FAM185A: variants seen among roughly 807,000 people sequenced by gnomAD.
FAM185A encodes the protein family with sequence similarity 185 member A, also known as protein FAM185A.
Under a neutral mutation model 45.7 loss-of-function variants are expected in FAM185A, and 21 were observed. The observed-to-expected ratio is 0.46, with a 90% CI of 0.33 to 0.66. The LOEUF (loss-of-function observed/expected upper bound fraction) is 0.66, where lower values mean the gene tolerates loss of function less well. FAM185A is among the 30% of genes least tolerant of loss of function. FAM185A has a pLI of 0.03. For synonymous variants in FAM185A, 117 were observed against 194.0 expected, an observed-to-expected ratio of 0.60 and a Z score of 3.30; for missense variants, 305 against 485.4, an observed-to-expected ratio of 0.63 and a Z score of 3.49.
intron 7 of FAM185A, among the ~76,000 whole-genome samples, chr7:102,806,025 T>G (rs950342302): frequency 1.3e-5 from 2 of 152,198 alleles, no homozygotes. Context: ...CTGTTTGGTG[T>G]GGGGGTCCAG....
At chr7:102,812,086 A>C (rs1797465006), downstream of FAM185A, among the ~76,000 whole-genome samples, 1 of 152,226 alleles carries the variant, frequency 6.6e-6, no homozygotes, top group Non-Finnish European at 1.5e-5. Flanking sequence ...TAAGTAATTG[A>C]GGAAATAGAA....
At chr7:102,792,159 G>A (rs1796177054) in intron 7 of FAM185A, among the ~76,000 whole-genome samples, 1 of 149,178 alleles carries the variant, frequency 6.7e-6, no homozygotes, top group African/African-American at 2.5e-5. Flanking sequence ...TTCCCACAGG[G>A]TTTTGATGTG....
the FAM185A span, among the ~76,000 whole-genome samples, chr7:102,826,428 A>G: frequency 6.6e-6 from 1 of 151,972 alleles, no homozygotes; most frequent in Non-Finnish European, 1.5e-5. Flanking sequence ...AGGGCTTTTA[A>G]ATATAATAAA....
At chr7:102,812,474 G>A (rs929938301), downstream of FAM185A, among the ~76,000 whole-genome samples, 1 of 152,164 alleles carries the variant, frequency 6.6e-6, no homozygotes, top group Non-Finnish European at 1.5e-5. Context: ...CCCTGACTAA[G>A]TCAAATGTTG....
chr7:102,771,254 C>T (rs952465191), intron 4 of FAM185A, among the ~76,000 whole-genome samples: 2 of 151,898 alleles, frequency 1.3e-5, no homozygotes, highest in African/African-American at 4.8e-5. Flanking sequence ...CTATTGGGTA[C>T]TATGCCTAGT....
chr7:102,821,463 CTTAA>C, the FAM185A span, among the ~76,000 whole-genome samples: 4 of 152,218 alleles, frequency 2.6e-5, no homozygotes, highest in African/African-American at 9.6e-5. Flanking sequence ...GCCATAACTA[CTTAA>C]TTAAGAAAGT....
chr7:102,845,581 A>C, the FAM185A span, among the ~76,000 whole-genome samples: 1,046 of 152,308 alleles, frequency 6.9e-3, 6 homozygotes, highest in African/African-American at 0.023. Flanking sequence ...CATCGTCTTT[A>C]ACCACATCTT....
chr7:102,768,783 A>G (rs2129435809), intron 4 of FAM185A, among the ~76,000 whole-genome samples: 1 of 152,294 alleles, frequency 6.6e-6, no homozygotes, highest in East Asian at 1.9e-4. Context: ...ATTTGTGGAA[A>G]ACTTATATAA....
the FAM185A span, among the ~76,000 whole-genome samples, chr7:102,849,975 G>A: frequency 0.054 from 8,137 of 151,582 alleles, 288 homozygotes; most frequent in East Asian, 0.12. Flanking sequence ...AAACCTGCAT[G>A]TTCTGCACAT....
intron 7 of FAM185A, among the ~76,000 whole-genome samples, chr7:102,794,155 C>G (rs1362243468): frequency 1.3e-5 from 2 of 151,772 alleles, no homozygotes; most frequent in African/African-American, 4.8e-5. Flanking sequence ...GACTAGAGTT[C>G]AAAGAGCAGG....
At chr7:102,786,587 C>G (rs1795811329) in intron 6 of FAM185A, among the ~76,000 whole-genome samples, 2 of 152,080 alleles carry the variant, frequency 1.3e-5, no homozygotes, top group Admixed American at 1.3e-4. Flanking sequence ...GACAAAAAAC[C>G]AAACACCACA....
chr7:102,799,501 T>A (rs1281916883), intron 7 of FAM185A, among the ~76,000 whole-genome samples: 2 of 152,248 alleles, frequency 1.3e-5, no homozygotes, highest in Admixed American at 6.5e-5. Context: ...CAGCTGAGGA[T>A]ATCATGGTAC....
the FAM185A span, chr7:102,814,337 G>C: frequency 6.6e-6 from 1 of 152,088 alleles, no homozygotes; most frequent in African/African-American, 2.4e-5. Flanking sequence ...ATGTTACCTT[G>C]AGTTATTAAT....
chr7:102,840,678 G>A, the FAM185A span, among the ~76,000 whole-genome samples: 2 of 152,006 alleles, frequency 1.3e-5, no homozygotes, highest in African/African-American at 2.4e-5. Flanking sequence ...TCCCATTTGC[G>A]GACATAATAG....
chr7:102,828,424 C>G, the FAM185A span, among the ~76,000 whole-genome samples: 1 of 152,152 alleles, frequency 6.6e-6, no homozygotes, highest in Admixed American at 6.5e-5. Flanking sequence ...AACCTCTAAG[C>G]TGAAAGAATT....
intron 7 of FAM185A, among the ~76,000 whole-genome samples, chr7:102,789,656 C>G (rs1433851776): frequency 1.3e-5 from 2 of 152,292 alleles, no homozygotes; most frequent in African/African-American, 2.4e-5. Context: ...GTGCAATGAG[C>G]CAAGATCGCG....
chr7:102,807,248 A>C (rs1313229541), intron 7 of FAM185A, among the ~76,000 whole-genome samples: 1 of 152,102 alleles, frequency 6.6e-6, no homozygotes, highest in Non-Finnish European at 1.5e-5. Flanking sequence ...ACTACAAAGA[A>C]ATTTTTGGGA....
chr7:102,803,600 C>T (rs2129443913), intron 7 of FAM185A, among the ~76,000 whole-genome samples: 1 of 152,182 alleles, frequency 6.6e-6, no homozygotes, highest in East Asian at 1.9e-4. Context: ...AAGTTGAAAG[C>T]ATTCCCTCTG....
chr7:102,820,716 A>G, the FAM185A span, among the ~76,000 whole-genome samples: 10 of 152,240 alleles, frequency 6.6e-5, no homozygotes, highest in African/African-American at 2.4e-4. Context: ...ATCCCATGGC[A>G]GGAAAGAAGG....
Sources: allele counts gnomAD v4.1 joint callset (sites outside exome capture counted in the v4.1 genomes callset), GRCh38; gene constraint gnomAD v4.1.1; transcripts MANE v1.5; gene names NCBI Gene and HGNC (gene_info 2026-07-23, HGNC 2026-07-21).